ATG10: variants seen among roughly 807,000 people sequenced by gnomAD.
ATG10 encodes the protein autophagy related 10.
A neutral mutation model predicts 32.1 loss-of-function variants in ATG10; 30 were observed. The ratio of observed to expected loss-of-function variants is 0.94; its 90% CI spans 0.70 to 1.27. ATG10 has a LOEUF of 1.27. Among genes scored for constraint, ATG10 ranks in the 50% most tolerant of loss-of-function variants. The pLI is 0.00. For missense variants in ATG10, 233 were observed against 262.3 expected (o/e 0.89, Z 0.77); for synonymous variants, 87 against 91.5 (o/e 0.95, Z 0.28).
At chr5:81,984,796 T>C (rs1269201626) in intron 1 of ATG10, among the ~76,000 whole-genome samples, 1 of 152,234 alleles carries the variant, frequency 6.6e-6, no homozygotes, top group African/African-American at 2.4e-5. Flanking sequence ...TTGAATTATA[T>C]TTACATTTTT....
intron 5 of ATG10, among the ~76,000 whole-genome samples, chr5:82,219,215 C>A (rs1745823382): frequency 6.6e-6 from 1 of 152,196 alleles, no homozygotes; most frequent in African/African-American, 2.4e-5. Flanking sequence ...GTAATCGCCT[C>A]TTGCAGAATC....
chr5:82,020,414 C>T lies in ATG10; in HGVS notation c.108+32736C>T, dbSNP rs116173210. Among the ~76,000 whole-genome samples, 805 of 152,256 alleles carry T rather than the reference C, an allele frequency of 5.3e-3. 6 individuals carry two copies. Among genetic ancestry groups the T allele is most frequent in the African/African-American group, 0.018 (758 of 41,552 alleles). ...ATAATTGGAAGCATCTAAAAAGTTACGGACTGGGACCAAGTTGTTTTTAAG... is the reference window on the plus strand; with the variant it reads ...ATAATTGGAAGCATCTAAAAAGTTATGGACTGGGACCAAGTTGTTTTTAAG... On this transcript the variant is annotated intron_variant, in intron 2 of 7. Coordinates refer to ENST00000282185, the MANE Select transcript of ATG10 (RefSeq NM_031482.5).
chr5:82,172,855 G>A (rs1743857013), intron 4 of ATG10, among the ~76,000 whole-genome samples: 1 of 152,184 alleles, frequency 6.6e-6, no homozygotes, highest in African/African-American at 2.4e-5. Flanking sequence ...TACAGAATTA[G>A]CCAGTATAGT....
At chr5:82,210,229 T>C (rs748267333) in intron 5 of ATG10, among the ~76,000 whole-genome samples, 1 of 152,206 alleles carries the variant, frequency 6.6e-6, no homozygotes, top group Non-Finnish European at 1.5e-5. Context: ...GTTGTGCATA[T>C]AAAAAATTTA....
intron 1 of ATG10, among the ~76,000 whole-genome samples, chr5:81,983,141 T>C (rs1171373934): frequency 2.0e-5 from 3 of 148,780 alleles, no homozygotes; most frequent in African/African-American, 5.0e-5. Context: ...CGGACAGAGG[T>C]GCCCCTCACC....
intron 5 of ATG10, among the ~76,000 whole-genome samples, chr5:82,199,362 T>A (rs535551369): frequency 8.1e-4 from 123 of 152,228 alleles, no homozygotes; most frequent in Non-Finnish European, 1.5e-3. Flanking sequence ...CTTGCGAGTC[T>A]TTAGAGATTG....
At chr5:82,023,004 T>TAA (rs1762488850) in intron 2 of ATG10, among the ~76,000 whole-genome samples, 1 of 145,676 alleles carries the variant, frequency 6.9e-6, no homozygotes, top group African/African-American at 2.7e-5. Flanking sequence ...TACACACACA[T>TAA]AAAATATATA....
intron 5 of ATG10, among the ~76,000 whole-genome samples, chr5:82,252,290 T>C (rs926323879): frequency 6.6e-6 from 1 of 152,218 alleles, no homozygotes; most frequent in Non-Finnish European, 1.5e-5. Context: ...AGGGAACTGA[T>C]AAAATGCAAC....
intron 2 of ATG10, among the ~76,000 whole-genome samples, chr5:82,020,520 C>G (rs1056080323): frequency 6.6e-6 from 1 of 152,134 alleles, no homozygotes; most frequent in Non-Finnish European, 1.5e-5. Flanking sequence ...TTTATTATTT[C>G]TCGGAAGTCT....
chr5:82,156,206 G>A (rs746781278), intron 3 of ATG10, among the ~76,000 whole-genome samples: 12 of 151,864 alleles, frequency 7.9e-5, no homozygotes, highest in Admixed American at 4.6e-4. Flanking sequence ...AAGGCAAACC[G>A]GTTTATGGCA....
At chr5:82,216,782 C>T (rs533916679) in intron 5 of ATG10, among the ~76,000 whole-genome samples, 1 of 152,064 alleles carries the variant, frequency 6.6e-6, no homozygotes, top group African/African-American at 2.4e-5. Flanking sequence ...ACAGGCCAGG[C>T]GCAGTGGCTC....
intron 2 of ATG10, among the ~76,000 whole-genome samples, chr5:82,037,918 C>T (rs1762982727): frequency 6.6e-6 from 1 of 152,090 alleles, no homozygotes; most frequent in Non-Finnish European, 1.5e-5. Flanking sequence ...GATATTATCT[C>T]ATTTAAGATT....
At chr5:81,999,143 CA>C (rs370637760) in intron 2 of ATG10, among the ~76,000 whole-genome samples, 27,637 of 116,316 alleles carry the variant, frequency 0.24, 2,824 homozygotes, top group Middle Eastern at 0.32. Flanking sequence ...AATCCTCAGC[CA>C]AAAAAAAAAA....
At chr5:82,165,542 T>A (rs1204039956) in intron 4 of ATG10, among the ~76,000 whole-genome samples, 1 of 152,170 alleles carries the variant, frequency 6.6e-6, no homozygotes, top group Non-Finnish European at 1.5e-5. Context: ...GACTCCCTGG[T>A]GAGAAGATTT....
chr5:82,242,972 A>G (rs1746865326), intron 5 of ATG10: 5 of 338,806 alleles, frequency 1.5e-5, no homozygotes, highest in Non-Finnish European at 2.9e-5. Context: ...GGGTTAAAAA[A>G]TAGATACAGC....
chr5:82,063,421 A>G (rs1349525864), intron 3 of ATG10, among the ~76,000 whole-genome samples: 1 of 152,144 alleles, frequency 6.6e-6, no homozygotes, highest in Non-Finnish European at 1.5e-5. Context: ...TACTATGACA[A>G]TTTAAGTGGA....
chr5:82,076,445 C>T (rs1268510702), intron 3 of ATG10, among the ~76,000 whole-genome samples: 1 of 152,164 alleles, frequency 6.6e-6, no homozygotes, highest in East Asian at 1.9e-4. Flanking sequence ...TTTCTTGACT[C>T]CTCCTAAAAC....
At chr5:82,137,474 C>A (rs1031150173) in intron 3 of ATG10, among the ~76,000 whole-genome samples, 2 of 152,220 alleles carry the variant, frequency 1.3e-5, no homozygotes, top group African/African-American at 4.8e-5. Context: ...TCAAGCCCGT[C>A]TGCTGTAGGT....
chr5:82,140,949 T>C (rs1356786725), intron 3 of ATG10, among the ~76,000 whole-genome samples: 1 of 75,706 alleles, frequency 1.3e-5, no homozygotes, highest in African/African-American at 5.3e-5. Flanking sequence ...CTCTGAAACA[T>C]GTGCTGTGTC....
Sources: gnomAD v4.1 joint callset for allele counts (sites outside exome capture counted in the v4.1 genomes callset) on GRCh38, gnomAD v4.1.1 for gene constraint, MANE v1.5 for transcripts, NCBI Gene and HGNC (gene_info 2026-07-23, HGNC 2026-07-21) for gene names.